The following FHIT variants were observed in gnomAD, a reference collection of about 807,000 sequenced individuals.
The protein encoded by FHIT is bis(5'-adenosyl)-triphosphatase.
In FHIT, 19 loss-of-function variants were observed where a neutral mutation model predicts 17.9. The ratio of observed to expected loss-of-function variants is 1.06; its 90% CI spans 0.74 to 1.56. FHIT has a LOEUF of 1.56. Among genes scored for constraint, FHIT ranks in the 40% most tolerant of loss-of-function variants. The pLI, the probability that FHIT is intolerant of heterozygous loss-of-function variation, is 0.00. For synonymous variants in FHIT, 81 were observed against 69.7 expected, an observed-to-expected ratio of 1.16 and a Z score of -0.81; for missense variants, 248 against 189.2, an observed-to-expected ratio of 1.31 and a Z score of -1.82.
At chr3:60,204,152 T>C (rs1173047684) in intron 5 of FHIT, among the ~76,000 whole-genome samples, 4 of 152,214 alleles carry the variant, frequency 2.6e-5, no homozygotes, top group Admixed American at 2.6e-4. Context: ...GTGGGATTAT[T>C]ACTCATTGCA....
At chr3:59,952,248 C>A (rs894816547) in intron 7 of FHIT, among the ~76,000 whole-genome samples, 10 of 152,178 alleles carry the variant, frequency 6.6e-5, no homozygotes, top group African/African-American at 2.4e-4. Context: ...ACACCTCTTT[C>A]CTGAACAACC....
intron 7 of FHIT, among the ~76,000 whole-genome samples, chr3:59,990,503 C>A (rs551414674): frequency 6.6e-6 from 1 of 152,176 alleles, no homozygotes; most frequent in East Asian, 1.9e-4. Flanking sequence ...ATGAGGGGAA[C>A]CCGCTCTCAC....
chr3:59,996,203 A>C (rs982922321), intron 7 of FHIT, among the ~76,000 whole-genome samples: 9 of 152,114 alleles, frequency 5.9e-5, no homozygotes, highest in African/African-American at 1.9e-4. Context: ...TTATTATTCC[A>C]ATTTTGCAAC....
At chr3:59,771,464 G>A (rs1414169917) in intron 8 of FHIT, among the ~76,000 whole-genome samples, 3 of 152,214 alleles carry the variant, frequency 2.0e-5, no homozygotes, top group Admixed American at 2.0e-4. Context: ...GGGAGGTCAG[G>A]TTCATTGAGG....
At chr3:60,275,383 T>C (rs1707079729) in intron 5 of FHIT, among the ~76,000 whole-genome samples, 1 of 152,214 alleles carries the variant, frequency 6.6e-6, no homozygotes, top group South Asian at 2.1e-4. Flanking sequence ...TGACTTGCAG[T>C]ACCTGCCTTA....
At chr3:61,090,601 T>TGGGC (rs2035451240) in intron 2 of FHIT, among the ~76,000 whole-genome samples, 1 of 152,188 alleles carries the variant, frequency 6.6e-6, no homozygotes, top group Non-Finnish European at 1.5e-5. Flanking sequence ...TCAATTTTAC[T>TGGGC]GGGCGGCTGT....
chr3:60,708,555 CT>C (rs1420454591), intron 4 of FHIT, among the ~76,000 whole-genome samples: 2 of 152,128 alleles, frequency 1.3e-5, no homozygotes, highest in Non-Finnish European at 2.9e-5. Context: ...TAGTGAAACC[CT>C]ATCCTGTAAT....
intron 4 of FHIT, among the ~76,000 whole-genome samples, chr3:60,769,010 G>A (rs1699949263): frequency 6.6e-6 from 1 of 152,148 alleles, no homozygotes; most frequent in Non-Finnish European, 1.5e-5. Context: ...AGGCTTCTGT[G>A]AACAACCTCA....
At chr3:60,680,457 T>C (rs1291572976) in intron 4 of FHIT, among the ~76,000 whole-genome samples, 1 of 152,128 alleles carries the variant, frequency 6.6e-6, no homozygotes, top group African/African-American at 2.4e-5. Flanking sequence ...TTTTCTACTA[T>C]GAAACATTCT....
rs550907233 is a variant in FHIT at position 60,474,919 on chromosome 3, G to A, written c.103+61941C>T. The stretch of plus-strand genomic sequence containing the variant: ...ATTACAGGCGTGAGCCACCGCACCT[G>A]GCCAACACAATACAATTCCAATTTT... On this transcript the variant is annotated intron_variant, in intron 5 of 9. Transcript: ENST00000492590. 2.0e-5 allele frequency among the ~76,000 whole-genome samples: 3 copies of A among 152,080 alleles called. No homozygotes were observed. The South Asian group carries it at 6.2e-4, about 32-fold the overall frequency.
At chr3:60,867,729 C>T (rs981596298) in intron 3 of FHIT, among the ~76,000 whole-genome samples, 14 of 152,096 alleles carry the variant, frequency 9.2e-5, no homozygotes, top group Admixed American at 2.6e-4. Context: ...CTTTCTCCCC[C>T]AAAAGTTCAC....
intron 3 of FHIT, among the ~76,000 whole-genome samples, chr3:61,032,837 T>C (rs2033072028): frequency 1.3e-5 from 2 of 152,194 alleles, no homozygotes; most frequent in African/African-American, 4.8e-5. Flanking sequence ...GAAGACCCAC[T>C]ATCTGCCATC....
chr3:61,139,869 T>C (rs901877587), intron 2 of FHIT, among the ~76,000 whole-genome samples: 2 of 152,112 alleles, frequency 1.3e-5, no homozygotes, highest in Non-Finnish European at 2.9e-5. Flanking sequence ...GCACAGTCAT[T>C]TGAAAGCCTG....
intron 5 of FHIT, among the ~76,000 whole-genome samples, chr3:60,488,218 A>C (rs2107493657): frequency 6.6e-6 from 1 of 152,278 alleles, no homozygotes; most frequent in South Asian, 2.1e-4. Context: ...GATTGAGCTA[A>C]AAGATTATAT....
intron 5 of FHIT, among the ~76,000 whole-genome samples, chr3:60,181,657 A>G (rs1302642941): frequency 6.6e-6 from 1 of 152,216 alleles, no homozygotes; most frequent in East Asian, 1.9e-4. Context: ...CCTCTTGGTA[A>G]TAATTAAAAT....
intron 5 of FHIT, among the ~76,000 whole-genome samples, chr3:60,241,563 T>G (rs1281627530): frequency 6.6e-6 from 1 of 152,036 alleles, no homozygotes; most frequent in Non-Finnish European, 1.5e-5. Flanking sequence ...TTGTAAGGGT[T>G]GAAAGAAAGA....
At chr3:60,825,707 A>C (rs1433662459) in intron 3 of FHIT, among the ~76,000 whole-genome samples, 1 of 152,138 alleles carries the variant, frequency 6.6e-6, no homozygotes, top group East Asian at 1.9e-4. Context: ...TGATGATCTG[A>C]GGTGGAACAG....
chr3:61,155,462 C>CT (rs967301149), intron 2 of FHIT, among the ~76,000 whole-genome samples: 15 of 151,506 alleles, frequency 9.9e-5, no homozygotes, highest in East Asian at 2.0e-4. Flanking sequence ...TTTCTTGTTT[C>CT]TTTTTTTTCC....
chr3:59,908,718 G>T (rs1704701198), intron 8 of FHIT, among the ~76,000 whole-genome samples: 1 of 152,012 alleles, frequency 6.6e-6, no homozygotes, highest in Admixed American at 6.6e-5. Flanking sequence ...ATGACTGAAT[G>T]AATTACAGGC....
Sources: gnomAD v4.1 joint callset for allele counts (sites outside exome capture counted in the v4.1 genomes callset) on GRCh38, gnomAD v4.1.1 for gene constraint, MANE v1.5 for transcripts, NCBI Gene and HGNC (gene_info 2026-07-23, HGNC 2026-07-21) for gene names.